Variants in PRKN observed in about 807,000 individuals in gnomAD.
The protein encoded by PRKN is E3 ubiquitin-protein ligase parkin.
Under a neutral mutation model 59.5 loss-of-function variants are expected in PRKN, and 56 were observed. The ratio of observed to expected loss-of-function variants is 0.94; its 90% CI spans 0.76 to 1.18. PRKN has a LOEUF of 1.18. Among genes scored for constraint, PRKN ranks in the 50% most tolerant of loss-of-function variants. PRKN has a pLI of 0.00. For synonymous variants in PRKN, 250 were observed against 222.1 expected (o/e 1.13, Z -1.12); for missense variants, 657 against 596.4 (o/e 1.10, Z -1.06).
chr6:162,202,249 T>C (rs983306616), intron 3 of PRKN, among the ~76,000 whole-genome samples: 2 of 152,100 alleles, frequency 1.3e-5, no homozygotes, highest in Non-Finnish European at 2.9e-5. Context: ...CACAAATGCA[T>C]ATGATCTATT....
At chr6:162,229,780 T>C (rs1778343238) in intron 3 of PRKN, among the ~76,000 whole-genome samples, 1 of 152,240 alleles carries the variant, frequency 6.6e-6, no homozygotes, top group East Asian at 1.9e-4. Context: ...CTTTCAGAAA[T>C]AGTCTGTTTT....
intron 6 of PRKN, among the ~76,000 whole-genome samples, chr6:161,849,815 TGA>T (rs1180903228): frequency 3.3e-5 from 5 of 152,084 alleles, no homozygotes; most frequent in African/African-American, 1.2e-4. Context: ...CTGAGGCGGG[TGA>T]GAGATTCTAA....
intron 3 of PRKN, among the ~76,000 whole-genome samples, chr6:162,206,509 A>G (rs531577630): frequency 6.6e-6 from 1 of 152,066 alleles, no homozygotes; most frequent in Non-Finnish European, 1.5e-5. Context: ...CCTCCTTCTG[A>G]CTACAGAGTT....
Position 161,500,023 on chromosome 6 carries a change from GC to G in PRKN, c.1083+48830del, listed in dbSNP as rs34477399. ...CAGTGTCTTTGCCAAAAGTCCTTCG[GC>G]CATGTTTCCTTACAAAATCTCACGC... On this transcript the variant is annotated intron_variant, in intron 9 of 11. Coordinates refer to ENST00000366898, the MANE Select transcript of PRKN (RefSeq NM_004562.3). 7.3e-3 allele frequency among the ~76,000 whole-genome samples: 1,104 copies of G among 152,154 alleles called. 16 individuals carry two copies. Among genetic ancestry groups the G allele is most frequent in the African/African-American group, 0.025 (1,038 of 41,492 alleles).
chr6:162,010,405 T>A, intron 5 of PRKN, among the ~76,000 whole-genome samples: 1 of 72,196 alleles, frequency 1.4e-5, no homozygotes, highest in East Asian at 4.4e-4. Context: ...AATATACATT[T>A]ATTATATGTA....
chr6:161,611,004 C>T (rs1220949866), intron 7 of PRKN, among the ~76,000 whole-genome samples: 2 of 152,166 alleles, frequency 1.3e-5, no homozygotes, highest in Non-Finnish European at 2.9e-5. Context: ...ATCTGATTTG[C>T]AGCTGAAAAC....
At chr6:162,586,035 T>C (rs1781038695) in intron 1 of PRKN, among the ~76,000 whole-genome samples, 2 of 152,158 alleles carry the variant, frequency 1.3e-5, no homozygotes. Flanking sequence ...TCAACCTGAT[T>C]AATAACATCT....
intron 6 of PRKN, among the ~76,000 whole-genome samples, chr6:161,899,894 G>A (rs1777820244): frequency 6.6e-6 from 1 of 152,050 alleles, no homozygotes; most frequent in Admixed American, 6.6e-5. Flanking sequence ...AGGCCGAGGT[G>A]GGCAGATCAC....
chr6:162,038,711 A>G (rs1783942091), intron 5 of PRKN, among the ~76,000 whole-genome samples: 1 of 152,222 alleles, frequency 6.6e-6, no homozygotes. Context: ...TGTTGACTTG[A>G]AAAATATGTA....
At position 162,016,638 on chromosome 6, in the gene PRKN, G is replaced by A. The variant is rs138272974; in HGVS notation, c.618+37453C>T. ...AGTTACCCTGGAACACTCTCCTCGT[G>A]GCTGACCCATCCCCACTGGTCACTC... On this transcript the variant is annotated intron_variant, in intron 5 of 11. Transcript: ENST00000366898. Among the ~76,000 whole-genome samples, 83 of 152,192 alleles carry A rather than the reference G, an allele frequency of 5.5e-4. 1 individual carries two copies. The East Asian group carries it at 0.014, about 26-fold the overall frequency.
intron 7 of PRKN, among the ~76,000 whole-genome samples, chr6:161,597,449 G>A (rs1353242564): frequency 6.6e-6 from 1 of 152,150 alleles, no homozygotes; most frequent in African/African-American, 2.4e-5. Context: ...CTTGGAATTC[G>A]AGATAGTGAC....
chr6:161,405,012 G>A lies in PRKN; in HGVS notation c.1084-18135C>T, dbSNP rs139219528. Among the ~76,000 whole-genome samples, 140 of 152,292 alleles carry A rather than the reference G, an allele frequency of 9.2e-4. No individual in the cohort carries two copies. Among genetic ancestry groups the A allele is most frequent in the African/African-American group, 3.0e-3 (126 of 41,552 alleles). On this transcript the variant is annotated intron_variant, in intron 9 of 11. Coordinates refer to ENST00000366898, the MANE Select transcript of PRKN (RefSeq NM_004562.3). This position sits in a 1 kb window ranked among gnomAD's most constrained non-coding sequence, Gnocchi z 5.1. ...TGGGATGGTCTGATATACGTTTAAT[G>A]TTTTATATTTTCATTGAAGGCAGGA...
intron 6 of PRKN, among the ~76,000 whole-genome samples, chr6:161,845,931 G>C (rs12664148): frequency 0.27 from 40,644 of 152,084 alleles, 6,119 homozygotes; most frequent in South Asian, 0.36. Flanking sequence ...TGGACACCGT[G>C]TGCCAACTCC....
At chr6:161,415,814 C>A (rs1787824749) in intron 9 of PRKN, among the ~76,000 whole-genome samples, 1 of 151,842 alleles carries the variant, frequency 6.6e-6, no homozygotes, top group African/African-American at 2.4e-5. Flanking sequence ...GCCAGGGGTC[C>A]TCACCAGGCC....
intron 7 of PRKN, among the ~76,000 whole-genome samples, chr6:161,697,987 T>A (rs1786091831): frequency 6.6e-6 from 1 of 152,174 alleles, no homozygotes; most frequent in Non-Finnish European, 1.5e-5. Flanking sequence ...TGTCTTGGAT[T>A]AATGGGCCAT....
At chr6:161,875,313 GC>G (rs1794694369) in intron 6 of PRKN, among the ~76,000 whole-genome samples, 1 of 150,836 alleles carries the variant, frequency 6.6e-6, no homozygotes, top group Non-Finnish European at 1.5e-5. Context: ...TCATGCCTCA[GC>G]CTCCCAGTAG....
intron 6 of PRKN, among the ~76,000 whole-genome samples, chr6:161,890,206 A>C (rs1442849262): frequency 6.6e-6 from 1 of 152,156 alleles, no homozygotes; most frequent in Non-Finnish European, 1.5e-5. Flanking sequence ...TAGCTTTTTA[A>C]AAGGCTTTCT....
At chr6:161,844,007 C>T (rs189516438) in intron 6 of PRKN, among the ~76,000 whole-genome samples, 9 of 151,996 alleles carry the variant, frequency 5.9e-5, no homozygotes, top group East Asian at 1.9e-4. Context: ...TTTCTGCCTA[C>T]GTGAAGATGC....
chr6:162,031,843 T>G (rs1369847574), intron 5 of PRKN, among the ~76,000 whole-genome samples: 1 of 152,154 alleles, frequency 6.6e-6, no homozygotes, highest in Non-Finnish European at 1.5e-5. Context: ...AGTCACTTTT[T>G]TGTGGATCGT....
Sources: gnomAD v4.1 joint callset for allele counts (sites outside exome capture counted in the v4.1 genomes callset) on GRCh38, gnomAD v4.1.1 for gene constraint, Gnocchi (gnomAD v3.1) non-coding constraint, MANE v1.5 for transcripts, NCBI Gene and HGNC (gene_info 2026-07-23, HGNC 2026-07-21) for gene names.